GALNTL5: variants seen among roughly 807,000 people sequenced by gnomAD.
The protein encoded by GALNTL5 is inactive polypeptide N-acetylgalactosaminyltransferase-like protein 5.
GALNTL5 carries 44 observed loss-of-function variants against 51.0 expected under a neutral mutation model. The observed-to-expected ratio is 0.86, with a 90% CI of 0.68 to 1.11. The LOEUF (loss-of-function observed/expected upper bound fraction) is 1.11. Ranked by LOEUF, GALNTL5 falls within the 50% of genes least tolerant of loss-of-function variation. The pLI is 0.00. For missense variants in GALNTL5, 528 were observed against 531.8 expected, an observed-to-expected ratio of 0.99 and a Z score of 0.07; for synonymous variants, 192 against 182.8, an observed-to-expected ratio of 1.05 and a Z score of -0.41.
At chr7:152,004,812 C>T (rs1284682073) in intron 6 of GALNTL5, among the ~76,000 whole-genome samples, 1 of 152,126 alleles carries the variant, frequency 6.6e-6, no homozygotes, top group East Asian at 1.9e-4. Flanking sequence ...AATAGTATTC[C>T]ATTGTGTATA....
Position 152,014,801 on chromosome 7 carries a change from A to G in GALNTL5, c.1176+8A>G, listed in dbSNP as rs775797479. The G allele has an allele frequency of 1.3e-6, 2 of 1,599,680 alleles. No homozygotes were observed. The highest frequency in any genetic ancestry group is 1.7e-6 in the Non-Finnish European group (2 of 1,174,276). ...TGGCTGGATGAATATAAGGTGGGGA[A>G]CACATCCTTGACTTGGAAAATGTAT... On this transcript the variant is annotated splice_region_variant and intron_variant, in intron 8 of 8. Transcript: ENST00000392800.
chr7:152,001,348 A>G (rs2081578525), intron 5 of GALNTL5, among the ~76,000 whole-genome samples: 1 of 151,984 alleles, frequency 6.6e-6, no homozygotes. Flanking sequence ...GCCTCACCTA[A>G]GGTCATAAAT....
chr7:152,017,213 C>T (rs1321757876), intron 8 of GALNTL5, among the ~76,000 whole-genome samples: 4 of 152,100 alleles, frequency 2.6e-5, no homozygotes, highest in African/African-American at 4.8e-5. Flanking sequence ...CCATTGCACA[C>T]CTTGGCTATA....
chr7:151,958,731 T>C (rs2080956545), intron 1 of GALNTL5, among the ~76,000 whole-genome samples: 1 of 152,208 alleles, frequency 6.6e-6, no homozygotes, highest in African/African-American at 2.4e-5. Flanking sequence ...TTACAGCTCC[T>C]TTTGCACCCA....
chr7:152,017,667 A>G (rs2081836601), intron 8 of GALNTL5, among the ~76,000 whole-genome samples: 1 of 152,224 alleles, frequency 6.6e-6, no homozygotes, highest in Non-Finnish European at 1.5e-5. Context: ...AAGAAAAAGC[A>G]GGGGGCTTTC....
At chr7:152,003,382 A>G (rs1467512364) in intron 6 of GALNTL5, among the ~76,000 whole-genome samples, 1 of 152,242 alleles carries the variant, frequency 6.6e-6, no homozygotes, top group East Asian at 1.9e-4. Flanking sequence ...TACTGTTCAC[A>G]CAAAGACCAC....
intron 1 of GALNTL5, among the ~76,000 whole-genome samples, chr7:151,965,600 T>C (rs1166374909): frequency 3.9e-5 from 6 of 152,150 alleles, no homozygotes; most frequent in Non-Finnish European, 7.3e-5. Flanking sequence ...AGTAGGAGGC[T>C]GGACATGGTG....
intron 1 of GALNTL5, among the ~76,000 whole-genome samples, chr7:151,964,895 G>C (rs10245647): frequency 0.28 from 43,234 of 151,948 alleles, 6,313 homozygotes; most frequent in East Asian, 0.36. Flanking sequence ...CACCTCAGAC[G>C]TAGCAACCTG....
At chr7:151,988,488 A>T (rs965036140) in intron 5 of GALNTL5, among the ~76,000 whole-genome samples, 6 of 152,186 alleles carry the variant, frequency 3.9e-5, no homozygotes, top group African/African-American at 1.4e-4. Context: ...ATGGAAGGAC[A>T]AAAGAAAAAA....
chr7:151,969,332 C>T (rs773075843), intron 2 of GALNTL5, among the ~76,000 whole-genome samples: 2 of 152,116 alleles, frequency 1.3e-5, no homozygotes, highest in African/African-American at 2.4e-5. Flanking sequence ...TGATCTATTT[C>T]GAGTTAATTT....
At chr7:152,013,332 G>T (rs140360185) in intron 7 of GALNTL5, among the ~76,000 whole-genome samples, 1 of 150,984 alleles carries the variant, frequency 6.6e-6, no homozygotes, top group Non-Finnish European at 1.5e-5. Context: ...ATGTACCCTT[G>T]AACTGAAAAC....
At chr7:151,987,136 T>C (rs1355210361) in intron 4 of GALNTL5, 23 bp from the exon 5 acceptor site, 1 of 1,574,396 alleles carries the variant, frequency 6.4e-7, no homozygotes, top group African/African-American at 1.4e-5. Flanking sequence ...TTATACATTC[T>C]CATGTGTTGA....
intron 3 of GALNTL5, among the ~76,000 whole-genome samples, chr7:151,980,901 G>A (rs112325316): frequency 0.015 from 2,138 of 144,028 alleles, 102 homozygotes; most frequent in African/African-American, 0.057. Context: ...ACCCGCCACT[G>A]CGCCCGGCTA....
intron 7 of GALNTL5, among the ~76,000 whole-genome samples, chr7:152,013,367 C>A (rs1462258079): frequency 1.3e-5 from 2 of 151,184 alleles, no homozygotes; most frequent in African/African-American, 2.4e-5. Flanking sequence ...AAAAAAAAAA[C>A]AAAAACTGGT....
intron 7 of GALNTL5, 55 bp downstream of exon 7, chr7:152,007,999 A>G: frequency 1.1e-6 from 1 of 948,412 alleles, no homozygotes; most frequent in Non-Finnish European, 1.7e-6. Context: ...TAACTTTGTC[A>G]CATACAATGC....
chr7:151,987,123 C>T (rs767153358), intron 4 of GALNTL5, 36 bp from the exon 5 acceptor site: 3 of 1,533,868 alleles, frequency 2.0e-6, no homozygotes, highest in Admixed American at 2.0e-5. Flanking sequence ...CTATAGTTGC[C>T]GTTTATACAT....
At chr7:152,012,054 C>T (rs1163574475) in intron 7 of GALNTL5, among the ~76,000 whole-genome samples, 3 of 152,190 alleles carry the variant, frequency 2.0e-5, no homozygotes, top group Non-Finnish European at 2.9e-5. Context: ...GGAGTAGCAG[C>T]GACTCACAGC....
At chr7:151,971,100 T>TAGATAGATA in intron 3 of GALNTL5, 35 bp downstream of exon 3, 2 of 1,044,060 alleles carry the variant, frequency 1.9e-6, no homozygotes, top group South Asian at 2.8e-5. Context: ...ATTCTCTAGA[T>TAGATAGATA]AGATAGATAG....
intron 3 of GALNTL5, among the ~76,000 whole-genome samples, chr7:151,980,587 A>T (rs904196336): frequency 6.6e-6 from 1 of 151,886 alleles, no homozygotes; most frequent in Admixed American, 6.6e-5. Context: ...TTGGATAAAA[A>T]GGAAGACGAG....
Sources: allele counts gnomAD v4.1 joint callset (sites outside exome capture counted in the v4.1 genomes callset), GRCh38; gene constraint gnomAD v4.1.1; transcripts MANE v1.5; gene names NCBI Gene and HGNC (gene_info 2026-07-23, HGNC 2026-07-21).